SYK: variants seen among roughly 807,000 people sequenced by gnomAD.
SYK encodes tyrosine-protein kinase SYK.
In SYK, 16 loss-of-function variants were observed where a neutral mutation model predicts 77.8. The observed-to-expected ratio is 0.21, with a 90% CI of 0.14 to 0.31. SYK has a LOEUF of 0.31. SYK is among the 10% of genes least tolerant of loss of function. The probability of loss-of-function intolerance (pLI) is 1.00; values close to 1 mark genes in which losing one functional copy is unlikely to be tolerated. For missense variants in SYK, 529 were observed against 814.4 expected, an observed-to-expected ratio of 0.65 and a Z score of 4.26; for synonymous variants, 312 against 308.7, an observed-to-expected ratio of 1.01 and a Z score of -0.11.
At chr9:90,814,635 C>T (rs1366263981) in intron 1 of SYK, among the ~76,000 whole-genome samples, 1 of 152,154 alleles carries the variant, frequency 6.6e-6, no homozygotes, top group African/African-American at 2.4e-5. Flanking sequence ...CCTAAGTGCA[C>T]GGTAACACTC....
At chr9:90,834,272 T>C (rs371957937) in intron 1 of SYK, among the ~76,000 whole-genome samples, 11 of 152,146 alleles carry the variant, frequency 7.2e-5, no homozygotes, top group African/African-American at 2.2e-4. Context: ...TTTTCCTTCA[T>C]CTCACCATGA....
At chr9:90,830,353 G>A (rs975141793) in intron 1 of SYK, among the ~76,000 whole-genome samples, 1 of 152,242 alleles carries the variant, frequency 6.6e-6, no homozygotes, top group Admixed American at 6.5e-5. Context: ...CAGTGTTGAG[G>A]CCACAGGTCT....
In SYK at chr9:90,838,015, C is replaced by T. The variant is rs1826152654; in HGVS notation, c.-41-5843C>T. On this transcript the variant is annotated intron_variant, in intron 1 of 13. Coordinates refer to ENST00000375754, the MANE Select transcript of SYK (RefSeq NM_003177.7). The stretch of plus-strand genomic sequence containing the variant: ...GGTCTCATCCTCAGCAACTGTGGTG[C>T]TCAATGTCATTTCCTCAATTAGGAG... Among the ~76,000 whole-genome samples the T allele has an allele frequency of 2.0e-5, 3 of 152,276 alleles. No individual in the cohort carries two copies. The South Asian group carries it at 6.2e-4, about 32-fold the overall frequency.
intron 1 of SYK, among the ~76,000 whole-genome samples, chr9:90,829,953 C>T (rs1023550519): frequency 1.3e-5 from 2 of 152,214 alleles, no homozygotes; most frequent in Non-Finnish European, 2.9e-5. Flanking sequence ...ACTTGATGCA[C>T]TTTCAATCTT....
At chr9:90,846,375 G>A (rs550806170) in intron 3 of SYK, among the ~76,000 whole-genome samples, 6 of 152,316 alleles carry the variant, frequency 3.9e-5, no homozygotes, top group Non-Finnish European at 8.8e-5. Flanking sequence ...CAGAAACAGC[G>A]ATGCAGCCTC....
chr9:90,891,349 G>A (rs1488793625), intron 13 of SYK, among the ~76,000 whole-genome samples: 1 of 151,848 alleles, frequency 6.6e-6, no homozygotes, highest in Non-Finnish European at 1.5e-5. Context: ...GGGTTTCACC[G>A]TGTTAGTCAG....
intron 1 of SYK, among the ~76,000 whole-genome samples, chr9:90,810,182 T>C (rs976171288): frequency 6.6e-6 from 1 of 152,164 alleles, no homozygotes; most frequent in Admixed American, 6.5e-5. Flanking sequence ...CAGCCCAATG[T>C]GTCGCCTCCC....
intron 1 of SYK, among the ~76,000 whole-genome samples, chr9:90,805,014 G>A (rs1307964208): frequency 6.6e-6 from 1 of 152,008 alleles, no homozygotes; most frequent in Non-Finnish European, 1.5e-5. Flanking sequence ...TTAAAAGGTG[G>A]TTAAACTGGA....
intron 7 of SYK, among the ~76,000 whole-genome samples, chr9:90,873,595 G>T (rs767775220): frequency 1.1e-4 from 17 of 152,102 alleles, no homozygotes; most frequent in Non-Finnish European, 2.4e-4. Context: ...CTGGAGCATT[G>T]CTGGCCTAGG....
At chr9:90,873,501 C>A (rs532877053) in intron 7 of SYK, among the ~76,000 whole-genome samples, 4 of 152,228 alleles carry the variant, frequency 2.6e-5, no homozygotes, top group Admixed American at 6.5e-5. Flanking sequence ...TTTCCCCCCC[C>A]AGTTGTTTCA....
chr9:90,841,202 T>C (rs916745615), intron 1 of SYK, among the ~76,000 whole-genome samples: 7 of 151,068 alleles, frequency 4.6e-5, no homozygotes, highest in Non-Finnish European at 1.0e-4. Flanking sequence ...AGTATGTGTG[T>C]TGCATGTAGT....
At chr9:90,858,056 T>C (rs1244839711) in intron 3 of SYK, among the ~76,000 whole-genome samples, 1 of 152,186 alleles carries the variant, frequency 6.6e-6, no homozygotes, top group Non-Finnish European at 1.5e-5. Flanking sequence ...GGAGGCCACC[T>C]TGAGTGCCTC....
At chr9:90,827,980 A>AT (rs35111052) in intron 1 of SYK, among the ~76,000 whole-genome samples, 128,085 of 151,902 alleles carry the variant, frequency 0.84, 54,244 homozygotes, top group East Asian at 1. Flanking sequence ...AATGCTAGCG[A>AT]TTTTTTTTAA....
At chr9:90,894,815 C>G (rs1828921616) in intron 13 of SYK, among the ~76,000 whole-genome samples, 1 of 152,228 alleles carries the variant, frequency 6.6e-6, no homozygotes, top group East Asian at 1.9e-4. Context: ...ACAGAAGTGT[C>G]TGTAAGTGTT....
rs976351413 is a variant in SYK at position 90,896,529 on chromosome 9, A to G, written c.*929A>G. The G allele has an allele frequency of 4.3e-5, 10 of 232,828 alleles. No individual in the cohort carries two copies. The highest frequency in any genetic ancestry group is 1.3e-4 in the African/African-American group (6 of 45,324). The allele number at this position is 232,828 out of a possible 1,614,324, so 14.4% of individuals were successfully genotyped here. ...TCCCCTGTCGCTTTCTGTGTCTGCAATGGGGGGCAGCACAGGGATCAAAGC... is the reference window on the plus strand; with the variant it reads ...TCCCCTGTCGCTTTCTGTGTCTGCAGTGGGGGGCAGCACAGGGATCAAAGC... On this transcript the variant is annotated 3_prime_UTR_variant, in exon 14 of 14. Coordinates refer to ENST00000375754, the MANE Select transcript of SYK (RefSeq NM_003177.7).
At position 90,820,489 on chromosome 9, in the gene SYK, G is replaced by A. The variant is rs147344711; in HGVS notation, c.-42+18596G>A. ...TGTGCACTCGCAGGCTCAACACCAC[G>A]TGGAAGCTGCCAAAGCTTGGGGCTT... On this transcript the variant is annotated intron_variant, in intron 1 of 13. Transcript: ENST00000375754. Among the ~76,000 whole-genome samples the A allele has an allele frequency of 5.5e-3, 832 of 152,332 alleles. 1 individual carries two copies. The highest frequency in any genetic ancestry group is 8.7e-3 in the Non-Finnish European group (590 of 68,026).
rs1235073402 is a variant in SYK, at chr9:90,844,031, C to T, written c.133C>T (p.Arg45Cys). Reference sequence around the variant, plus strand: ...TGGGCTTTATTTGCTGCGCCAGAGCCGCAACTACCTGGGTGGCTTCGCCCT... The same window carrying T: ...TGGGCTTTATTTGCTGCGCCAGAGCTGCAACTACCTGGGTGGCTTCGCCCT... ...SDGLYLLRQSRNYLGGFALSV... is the reference protein window; with the variant it reads ...SDGLYLLRQSCNYLGGFALSV... The change falls in exon 2 of 14, where the codon CGC becomes TGC. Residue 45 changes from arginine (R) to cysteine (C), a missense_variant. By Grantham distance (180) the Arg-to-Cys change is radical (BLOSUM62 -3). Transcript: ENST00000375754. 8 of 1,612,480 alleles carry T rather than the reference C, an allele frequency of 5.0e-6. No individual in the cohort carries two copies. Among genetic ancestry groups the T allele is most frequent in the East Asian group, 2.2e-5 (1 of 44,806 alleles).
chr9:90,856,415 C>T (rs1337001418), intron 3 of SYK, among the ~76,000 whole-genome samples: 1 of 152,178 alleles, frequency 6.6e-6, no homozygotes, highest in Non-Finnish European at 1.5e-5. Flanking sequence ...TTGACCTTCT[C>T]AATTCATCCT....
chr9:90,809,410 T>C (rs1824987310), intron 1 of SYK, among the ~76,000 whole-genome samples: 1 of 152,168 alleles, frequency 6.6e-6, no homozygotes, highest in South Asian at 2.1e-4. Context: ...TATCCACTAC[T>C]CTAATAAGGC....
Sources: allele counts gnomAD v4.1 joint callset (sites outside exome capture counted in the v4.1 genomes callset), GRCh38; gene constraint gnomAD v4.1.1; transcripts MANE v1.5; gene names NCBI Gene and HGNC (gene_info 2026-07-23, HGNC 2026-07-21).